The following UBE2W variants were observed in gnomAD, a reference collection of about 807,000 sequenced individuals.
The protein encoded by UBE2W is ubiquitin-conjugating enzyme E2 W.
In UBE2W, 18 loss-of-function variants were observed where a neutral mutation model predicts 27.2. The observed-to-expected ratio is 0.66, with a 90% CI of 0.46 to 0.98. UBE2W has a LOEUF of 0.98. Among genes scored for constraint, UBE2W ranks in the 50% least tolerant of loss-of-function variants. The probability of loss-of-function intolerance (pLI) is 0.00; values close to 1 mark genes in which losing one functional copy is unlikely to be tolerated. For missense variants in UBE2W, 90 were observed against 180.2 expected (o/e 0.50, Z 2.87); for synonymous variants, 53 against 57.2 (o/e 0.93, Z 0.33).
At chr8:73,855,843 A>C (rs1811275229) in intron 1 of UBE2W, among the ~76,000 whole-genome samples, 1 of 152,152 alleles carries the variant, frequency 6.6e-6, no homozygotes, top group African/African-American at 2.4e-5. Context: ...TTACTTATTA[A>C]ATGATTCTTA....
At position 73,788,797 on chromosome 8, in the gene UBE2W, T is replaced by C. The variant is rs1324984915; in HGVS notation, c.*5305A>G. The C allele has an allele frequency of 2.0e-6, 2 of 985,162 alleles. No homozygotes were observed. Among genetic ancestry groups the C allele is most frequent in the Admixed American group, 6.2e-5 (1 of 16,244 alleles). 61.0% of individuals were successfully genotyped at this position (985,162 alleles called of 1,614,324 possible). A position where few individuals can be genotyped will look rare whatever the true frequency, so the allele number is the denominator to read the frequency against. ...CATCCTTTTCTCAAAACCCAGAGAGTGTATGTGCCAAGGACTAGAACAAGA... is the reference window on the plus strand; with the variant it reads ...CATCCTTTTCTCAAAACCCAGAGAGCGTATGTGCCAAGGACTAGAACAAGA... On this transcript the variant is annotated 3_prime_UTR_variant, in exon 6 of 6. Transcript: ENST00000602593.
At chr8:73,812,244 A>C (rs543098738) in intron 3 of UBE2W, among the ~76,000 whole-genome samples, 3 of 151,804 alleles carry the variant, frequency 2.0e-5, no homozygotes, top group African/African-American at 7.2e-5. Flanking sequence ...AAAAGCTAAA[A>C]AACAAAAGTA....
chr8:73,788,745 G>A lies in UBE2W; in HGVS notation c.*5357C>T, dbSNP rs961966269. The A allele has an allele frequency of 1.0e-6, 1 of 985,374 alleles. No homozygotes were observed. The highest frequency in any genetic ancestry group is 1.2e-6 in the Non-Finnish European group (1 of 829,916). 61.0% of individuals were successfully genotyped at this position (985,374 alleles called of 1,614,324 possible). ...CTTAGAATTGTTGTAGGACCAATGA[G>A]AAAACAACTTAGAATCGTTGTAGGA... On this transcript the variant is annotated 3_prime_UTR_variant, in exon 6 of 6. Transcript: ENST00000602593.
chr8:73,872,673 G>C (rs925044694), intron 1 of UBE2W, among the ~76,000 whole-genome samples: 1 of 152,194 alleles, frequency 6.6e-6, no homozygotes, highest in African/African-American at 2.4e-5. Flanking sequence ...TGGCATCACA[G>C]AGAAATCATT....
At chr8:73,863,346 C>T (rs1267229351) in intron 1 of UBE2W, among the ~76,000 whole-genome samples, 1 of 143,262 alleles carries the variant, frequency 7.0e-6, no homozygotes, top group Non-Finnish European at 1.5e-5. Context: ...CCAAACACCG[C>T]ATATTCTCAC....
intron 1 of UBE2W, among the ~76,000 whole-genome samples, chr8:73,873,053 G>A (rs550895285): frequency 3.3e-5 from 5 of 151,988 alleles, no homozygotes; most frequent in South Asian, 2.1e-4. Context: ...TTACAGATGC[G>A]CTCTACCACG....
At chr8:73,798,476 C>A (rs536367259) in intron 5 of UBE2W, among the ~76,000 whole-genome samples, 1 of 152,252 alleles carries the variant, frequency 6.6e-6, no homozygotes, top group African/African-American at 2.4e-5. Context: ...CCAACCATTT[C>A]GAATAAGGGA....
In UBE2W at chr8:73,789,959, T is replaced by C; in HGVS notation, c.*4143A>G. ...TAATTTGGCTTTGGGAGAGTCCTCA[T>C]CCGAAAATAACAAAATTTCCTTAAT... On this transcript the variant is annotated 3_prime_UTR_variant, in exon 6 of 6. Coordinates refer to ENST00000602593, the MANE Select transcript of UBE2W (RefSeq NM_018299.6). 3.0e-6 allele frequency: 3 copies of C among 984,490 alleles called. No homozygotes were observed. Among genetic ancestry groups the C allele is most frequent in the Non-Finnish European group, 3.6e-6 (3 of 829,138 alleles). The allele number at this position is 984,490 out of a possible 1,614,324, so 61.0% of individuals were successfully genotyped here. A position where few individuals can be genotyped will look rare whatever the true frequency, so the allele number is the denominator to read the frequency against.
chr8:73,801,161 A>C (rs1335950768), intron 5 of UBE2W, among the ~76,000 whole-genome samples: 1 of 152,174 alleles, frequency 6.6e-6, no homozygotes, highest in Non-Finnish European at 1.5e-5. Context: ...ATTAATCCTT[A>C]TATTTCTGGT....
chr8:73,867,980 T>A (rs1004561510), intron 1 of UBE2W, among the ~76,000 whole-genome samples: 2 of 152,212 alleles, frequency 1.3e-5, no homozygotes, highest in Admixed American at 6.5e-5. Context: ...AGTTTGGCAA[T>A]TCCTTAGTGT....
chr8:73,781,465 C>G (rs1807841547), downstream of UBE2W, among the ~76,000 whole-genome samples: 2 of 151,876 alleles, frequency 1.3e-5, no homozygotes, highest in African/African-American at 4.8e-5. Flanking sequence ...GCAAACACAT[C>G]TCCTTTTCTC....
intron 1 of UBE2W, among the ~76,000 whole-genome samples, chr8:73,842,919 AAAC>A (rs1352365394): frequency 1.3e-5 from 2 of 152,232 alleles, no homozygotes; most frequent in Non-Finnish European, 2.9e-5. Context: ...TAATGCCAAA[AAAC>A]AACCCAAATG....
intron 1 of UBE2W, among the ~76,000 whole-genome samples, chr8:73,842,553 A>AAAAAAAAAAAAAAAAAG: frequency 6.7e-6 from 1 of 149,720 alleles, no homozygotes; most frequent in African/African-American, 2.4e-5. Flanking sequence ...AAAAAAAAAA[A>AAAAAAAAAAAAAAAAAG]AAAAAATGAC....
intron 5 of UBE2W, chr8:73,795,825 TAATTCC>T: frequency 1.0e-6 from 1 of 978,500 alleles, no homozygotes; most frequent in Non-Finnish European, 1.2e-6. Context: ...CTCACGCCTG[TAATTCC>T]AGCATTTGGG....
chr8:73,781,623 T>A (rs567855985), downstream of UBE2W, among the ~76,000 whole-genome samples: 2 of 136,128 alleles, frequency 1.5e-5, no homozygotes, highest in African/African-American at 7.3e-5. Flanking sequence ...GTTTGGGTTT[T>A]TTTTTTTTTT....
chr8:73,780,547 T>G, intron 4 of UBE2W: 2 of 450,546 alleles, frequency 4.4e-6, no homozygotes, highest in Non-Finnish European at 8.9e-6. Context: ...ATTTATTTAT[T>G]TTTTGAGACA....
chr8:73,826,123 G>A (rs772050164), intron 2 of UBE2W, among the ~76,000 whole-genome samples: 5 of 152,014 alleles, frequency 3.3e-5, no homozygotes, highest in Non-Finnish European at 5.9e-5. Flanking sequence ...AAGGCTTTGT[G>A]GTGACTTTCC....
intron 1 of UBE2W, chr8:73,870,365 G>A: frequency 1.4e-6 from 2 of 1,454,154 alleles, no homozygotes; most frequent in Middle Eastern, 1.7e-4. Flanking sequence ...TTTTTCCATT[G>A]ATAGCTAGTG....
In UBE2W at chr8:73,832,126, A is replaced by T. The variant is rs555502438; in HGVS notation, c.16-1654T>A. ...TCTCTACAAAAACAAACAAACAAAA[A>T]AAATAAATAAATATATATATATATA... On this transcript the variant is annotated intron_variant, in intron 1 of 5. Transcript: ENST00000602593. 5.9e-3 allele frequency among the ~76,000 whole-genome samples: 795 copies of T among 134,882 alleles called. 7 individuals are homozygous for T. The highest frequency in any genetic ancestry group is 7.5e-3 in the Non-Finnish European group (504 of 66,772). 88.5% of individuals were successfully genotyped at this position (134,882 alleles called of 152,430 possible).
Sources: allele counts gnomAD v4.1 joint callset (sites outside exome capture counted in the v4.1 genomes callset), GRCh38; gene constraint gnomAD v4.1.1; transcripts MANE v1.5; gene names NCBI Gene and HGNC (gene_info 2026-07-23, HGNC 2026-07-21).